Variants in NEDD9 observed in about 807,000 individuals in gnomAD.
The protein encoded by NEDD9 is enhancer of filamentation 1.
Under a neutral mutation model 76.6 loss-of-function variants are expected in NEDD9, and 26 were observed. The observed-to-expected ratio is 0.34, with a 90% CI of 0.25 to 0.47. The LOEUF (loss-of-function observed/expected upper bound fraction) is 0.47, where lower values mean the gene tolerates loss of function less well. Ranked by LOEUF, NEDD9 falls within the 20% of genes least tolerant of loss-of-function variation. NEDD9 has a pLI of 1.00. For missense variants in NEDD9, 937 were observed against 1,058.5 expected (o/e 0.89, Z 1.59); for synonymous variants, 392 against 414.2 (o/e 0.95, Z 0.65).
chr6:11,274,495 T>A (rs1167452599), intron 3 of NEDD9, among the ~76,000 whole-genome samples: 1 of 152,088 alleles, frequency 6.6e-6, no homozygotes, highest in Non-Finnish European at 1.5e-5. Flanking sequence ...TCTCTGGGAG[T>A]ATTAATGCTT....
At chr6:11,288,159 G>A (rs1311567019) in intron 3 of NEDD9, among the ~76,000 whole-genome samples, 2 of 152,174 alleles carry the variant, frequency 1.3e-5, no homozygotes, top group East Asian at 1.9e-4. Flanking sequence ...TCAAAATTAC[G>A]CAGGCTGGTT....
At chr6:11,315,507 A>G (rs1448447892) in intron 2 of NEDD9, among the ~76,000 whole-genome samples, 1 of 152,252 alleles carries the variant, frequency 6.6e-6, no homozygotes. Context: ...TTGTCAGGCC[A>G]TGCCAAAGAA....
chr6:11,296,738 C>T (rs1428114525), intron 3 of NEDD9, among the ~76,000 whole-genome samples: 1 of 131,558 alleles, frequency 7.6e-6, no homozygotes, highest in Admixed American at 8.4e-5. Context: ...TTCTTTCTTT[C>T]TCTTTTTTGA....
At chr6:11,369,229 A>G (rs1405182432) in intron 1 of NEDD9, among the ~76,000 whole-genome samples, 2 of 152,124 alleles carry the variant, frequency 1.3e-5, no homozygotes, top group East Asian at 3.8e-4. Flanking sequence ...CAGAGAAAGA[A>G]TCTCCTTAGA....
chr6:11,340,977 G>A (rs1304255613), intron 1 of NEDD9, among the ~76,000 whole-genome samples: 1 of 152,154 alleles, frequency 6.6e-6, no homozygotes, highest in African/African-American at 2.4e-5. Flanking sequence ...GCTCAGCCAT[G>A]TTGCCTCCCT....
intron 1 of NEDD9, among the ~76,000 whole-genome samples, chr6:11,373,151 A>AT (rs201259222): frequency 1.4e-5 from 2 of 140,040 alleles, no homozygotes; most frequent in African/African-American, 5.2e-5. Flanking sequence ...TGCCATAAAA[A>AT]TTAAAAAAAA....
chr6:11,367,118 T>C (rs1210166400), intron 1 of NEDD9, among the ~76,000 whole-genome samples: 3 of 152,204 alleles, frequency 2.0e-5, no homozygotes, highest in Non-Finnish European at 4.4e-5. Context: ...GGCACTGCAG[T>C]GGACTCTATG....
chr6:11,223,697 A>G (rs2113776155), intron 1 of NEDD9, among the ~76,000 whole-genome samples: 1 of 152,340 alleles, frequency 6.6e-6, no homozygotes, highest in Admixed American at 6.5e-5. Flanking sequence ...TGCCAGGTTT[A>G]AAGCAAGAAC....
Position 11,283,270 on chromosome 6 carries a change from C to A in NEDD9, c.12+22722G>T, listed in dbSNP as rs1268592667. On this transcript the variant is annotated intron_variant, in intron 3 of 3. Coordinates refer to the NEDD9 transcript ENST00000397378. Reference sequence around the variant, plus strand: ...TCCCTTACTCCTTGACAACCTATTACAACCTTTGTGTTTATTTGCTGATTA... The same window carrying A: ...TCCCTTACTCCTTGACAACCTATTAAAACCTTTGTGTTTATTTGCTGATTA... Among the ~76,000 whole-genome samples, 6 of 152,024 alleles carry A rather than the reference C, an allele frequency of 3.9e-5. No homozygotes were observed. The East Asian group carries it at 1.2e-3, about 29-fold the overall frequency.
At chr6:11,287,237 G>A (rs4711224) in intron 3 of NEDD9, among the ~76,000 whole-genome samples, 38,362 of 151,914 alleles carry the variant, frequency 0.25, 6,574 homozygotes, top group African/African-American at 0.49. Flanking sequence ...AGACCAGCCT[G>A]GCCAACATGG....
chr6:11,302,628 C>A (rs911259056), intron 3 of NEDD9, among the ~76,000 whole-genome samples: 2 of 152,142 alleles, frequency 1.3e-5, no homozygotes, highest in African/African-American at 2.4e-5. Flanking sequence ...AAAATACTGG[C>A]AAACCGAATC....
At chr6:11,188,564 T>TA (rs34220701) in intron 5 of NEDD9, among the ~76,000 whole-genome samples, 106,117 of 151,998 alleles carry the variant, frequency 0.7, 37,467 homozygotes, top group East Asian at 0.98. Flanking sequence ...ATCTCATATA[T>TA]AATGTTCTTT....
At chr6:11,371,715 T>C (rs911390223) in intron 1 of NEDD9, among the ~76,000 whole-genome samples, 1 of 151,214 alleles carries the variant, frequency 6.6e-6, no homozygotes, top group East Asian at 1.9e-4. Flanking sequence ...TTCCCCTCTT[T>C]GAGGTACATC....
intron 3 of NEDD9, among the ~76,000 whole-genome samples, chr6:11,280,353 T>C (rs1024057947): frequency 2.6e-5 from 4 of 152,204 alleles, no homozygotes; most frequent in Non-Finnish European, 5.9e-5. Flanking sequence ...TGTTGTCCTC[T>C]ATCTAAAGTA....
Position 11,306,087 on chromosome 6 carries a change from A to T in NEDD9, c.-84T>A. On this transcript the variant is annotated 5_prime_UTR_variant, in exon 3 of 4. Transcript: ENST00000397378. ...TCTTCTGACCAGTTTCTTCGTTTTC[A>T]TAACTCTACTTGAAGAACATATGAT... is the stretch of plus-strand genomic sequence containing the variant. 2.0e-6 allele frequency: 3 copies of T among 1,503,956 alleles called. No individual in the cohort carries two copies. In the South Asian group the frequency reaches 3.4e-5, roughly 17 times the overall value. 93.2% of individuals were successfully genotyped at this position (1,503,956 alleles called of 1,614,324 possible).
chr6:11,362,854 A>C (rs761770943), intron 1 of NEDD9, among the ~76,000 whole-genome samples: 1 of 152,248 alleles, frequency 6.6e-6, no homozygotes, highest in Non-Finnish European at 1.5e-5. Flanking sequence ...AGAAATGACT[A>C]AGAAGTTTAC....
intron 2 of NEDD9, among the ~76,000 whole-genome samples, chr6:11,313,397 G>T (rs1394978941): frequency 6.6e-6 from 1 of 151,286 alleles, no homozygotes; most frequent in African/African-American, 2.4e-5. Context: ...AGGTGAAGGG[G>T]TGGATGGATG....
rs1013492318 is a variant in NEDD9 at position 11,370,282 on chromosome 6, G to GTCT, written c.-214+11854_-214+11856dup. Among the ~76,000 whole-genome samples, 1 of 152,172 alleles carries GTCT rather than the reference G, an allele frequency of 6.6e-6. No individual in the cohort carries two copies. Among genetic ancestry groups the GTCT allele is most frequent in the Admixed American group, 6.5e-5 (1 of 15,280 alleles). On this transcript the variant is annotated intron_variant, in intron 1 of 3. Coordinates refer to the NEDD9 transcript ENST00000397378. The surrounding 1 kb of genome is among the most constrained non-coding windows in gnomAD (Gnocchi z 4.2). ...GCTGAAGCAAGAAGTGAGGAACATT[G>GTCT]TCTTTGAAAAATGCTCTGACCAAAA...
intron 1 of NEDD9, among the ~76,000 whole-genome samples, chr6:11,336,700 C>T (rs1373483157): frequency 7.2e-5 from 11 of 152,132 alleles, no homozygotes; most frequent in Admixed American, 1.3e-4. Flanking sequence ...TTTTCTTACT[C>T]CAATAATAAA....
Sources: allele counts gnomAD v4.1 joint callset (sites outside exome capture counted in the v4.1 genomes callset), GRCh38; gene constraint gnomAD v4.1.1; non-coding constraint Gnocchi (gnomAD v3.1); transcripts MANE v1.5; gene names NCBI Gene and HGNC (gene_info 2026-07-23, HGNC 2026-07-21).